The following ASTN2 variants were observed in gnomAD, a reference collection of about 807,000 sequenced individuals.
The protein encoded by ASTN2 is astrotactin 2.
In ASTN2, 54 loss-of-function variants were observed where a neutral mutation model predicts 139.8. That is an observed-to-expected ratio of 0.39 (90% CI 0.31 to 0.48). The LOEUF (loss-of-function observed/expected upper bound fraction) is 0.48, where lower values mean the gene tolerates loss of function less well. ASTN2 is among the 20% of genes least tolerant of loss of function. ASTN2 has a pLI of 0.95. For synonymous variants in ASTN2, 756 were observed against 719.5 expected (o/e 1.05, Z -0.81); for missense variants, 1,565 against 1,725.1 (o/e 0.91, Z 1.64).
At chr9:116,767,399 C>T (rs138411329) in intron 13 of ASTN2, among the ~76,000 whole-genome samples, 1 of 152,352 alleles carries the variant, frequency 6.6e-6, no homozygotes, top group Non-Finnish European at 1.5e-5. Context: ...CACCCAGAGA[C>T]AGGCTTGGCG....
chr9:116,588,600 T>C (rs1174159871), intron 19 of ASTN2, among the ~76,000 whole-genome samples: 2 of 152,228 alleles, frequency 1.3e-5, no homozygotes, highest in Non-Finnish European at 2.9e-5. Flanking sequence ...GTCATAATAA[T>C]AGTGTCTTCA....
At chr9:116,475,106 T>C (rs529315744) in intron 20 of ASTN2, among the ~76,000 whole-genome samples, 51 of 152,290 alleles carry the variant, frequency 3.3e-4, no homozygotes, top group African/African-American at 1.2e-3. Flanking sequence ...TGCTGGTTGT[T>C]ACCTACAAAA....
Position 116,632,197 on chromosome 9 carries a change from A to G in ASTN2, c.3073-11754T>C, listed in dbSNP as rs1176270845. Among the ~76,000 whole-genome samples, 91 of 28,632 alleles carry G rather than the reference A, an allele frequency of 3.2e-3. 1 individual carries two copies. Among genetic ancestry groups the G allele is most frequent in the South Asian group, 6.3e-3 (3 of 476 alleles). The allele number at this position is 28,632 out of a possible 152,430, so 18.8% of individuals were successfully genotyped here. On this transcript the variant is annotated intron_variant, in intron 17 of 22. Transcript: ENST00000313400. The stretch of plus-strand genomic sequence containing the variant: ...GAGAGAGAGAGAGGGAGAGAGAGAG[A>G]AAGAAAGAAAAGAAAGAAAGAAAGA...
At chr9:116,854,277 C>T (rs1832682341) in intron 11 of ASTN2, among the ~76,000 whole-genome samples, 1 of 152,198 alleles carries the variant, frequency 6.6e-6, no homozygotes, top group African/African-American at 2.4e-5. Context: ...ATAATAATAG[C>T]AACCATGTTT....
In ASTN2 at chr9:116,642,132, C is replaced by CCAAAAAAA. The variant is rs1554724602; in HGVS notation, c.3072+9395_3072+9396insTTTTTTTG. ...TGGGAAAATGAAGGCTCCCAACCCA[C>CCAAAAAAA]AAAAAAAAAAAAACAAAAAAAAACA... On this transcript the variant is annotated intron_variant, in intron 17 of 22. Coordinates refer to ENST00000313400, the MANE Select transcript of ASTN2 (RefSeq NM_001365068.1). Among the ~76,000 whole-genome samples the CCAAAAAAA allele has an allele frequency of 1.0e-3, 49 of 48,928 alleles. 2 individuals carry two copies. Among genetic ancestry groups the CCAAAAAAA allele is most frequent in the Admixed American group, 1.3e-3 (4 of 3,096 alleles). 32.1% of individuals were successfully genotyped at this position (48,928 alleles called of 152,430 possible). A position where few individuals can be genotyped will look rare whatever the true frequency, so the allele number is the denominator to read the frequency against.
intron 20 of ASTN2, among the ~76,000 whole-genome samples, chr9:116,483,464 G>A (rs1274600505): frequency 6.6e-6 from 1 of 152,094 alleles, no homozygotes; most frequent in East Asian, 1.9e-4. Flanking sequence ...GTTGGGGTTG[G>A]AGTGGGGTCA....
intron 16 of ASTN2, among the ~76,000 whole-genome samples, chr9:116,672,263 G>C (rs1277907962): frequency 6.6e-6 from 1 of 151,818 alleles, no homozygotes; most frequent in Non-Finnish European, 1.5e-5. Flanking sequence ...CTACTTGGGG[G>C]ACTGAGGTGG....
At chr9:117,111,111 G>A (rs1206074683) in intron 4 of ASTN2, among the ~76,000 whole-genome samples, 1 of 152,122 alleles carries the variant, frequency 6.6e-6, no homozygotes, top group Admixed American at 6.6e-5. Context: ...CAAAACATGA[G>A]CATTAAAGAA....
At chr9:117,186,342 C>T (rs919145514) in intron 3 of ASTN2, among the ~76,000 whole-genome samples, 5 of 151,344 alleles carry the variant, frequency 3.3e-5, no homozygotes, top group Admixed American at 6.6e-5. Context: ...GTCAGGAGAT[C>T]GAGACCACCC....
intron 1 of ASTN2, among the ~76,000 whole-genome samples, chr9:117,368,203 A>G (rs1829896321): frequency 6.6e-6 from 1 of 152,122 alleles, no homozygotes; most frequent in African/African-American, 2.4e-5. Flanking sequence ...AGCAACAAAA[A>G]TAGCTTCCAG....
chr9:117,016,596 ATATATATCTATATCTATATCTATCTATC>A (rs1395341208), intron 6 of ASTN2, among the ~76,000 whole-genome samples: 721 of 21,418 alleles, frequency 0.034, 60 homozygotes, highest in Middle Eastern at 0.083. Context: ...TAGGTTTTAT[ATATATATCTATATCTATATCTATCTATC>A]TATATATATA....
chr9:116,958,375 G>T (rs535344938), intron 10 of ASTN2, among the ~76,000 whole-genome samples: 17 of 152,096 alleles, frequency 1.1e-4, no homozygotes, highest in Non-Finnish European at 2.4e-4. Context: ...CAGATCACAA[G>T]GTCAGGAGAT....
At chr9:116,535,726 CT>C (rs2119318679) in intron 19 of ASTN2, among the ~76,000 whole-genome samples, 1 of 152,306 alleles carries the variant, frequency 6.6e-6, no homozygotes, top group Admixed American at 6.5e-5. Context: ...GAGAGATCAG[CT>C]GTTAATCTGA....
chr9:117,087,203 TTTTCA>T (rs1209399901), intron 5 of ASTN2, among the ~76,000 whole-genome samples: 6 of 148,394 alleles, frequency 4.0e-5, no homozygotes, highest in Admixed American at 1.4e-4. Flanking sequence ...TTCTTTTCCT[TTTTCA>T]TTTTTTTCTT....
chr9:116,508,166 C>CA (rs2119170311), intron 19 of ASTN2, among the ~76,000 whole-genome samples: 1 of 152,320 alleles, frequency 6.6e-6, no homozygotes, highest in South Asian at 2.1e-4. Flanking sequence ...GCTTGGATTA[C>CA]AGGCGTGAGC....
chr9:116,444,760 A>G (rs188287469), intron 20 of ASTN2, among the ~76,000 whole-genome samples: 14 of 152,300 alleles, frequency 9.2e-5, no homozygotes, highest in Non-Finnish European at 1.8e-4. Context: ...AACTTGGGCA[A>G]GTCGCTTCAC....
rs1020569337 is a variant in ASTN2, at chr9:116,687,275, A to G, written c.2807-35482T>C. On this transcript the variant is annotated intron_variant, in intron 16 of 22. Coordinates refer to ENST00000313400, the MANE Select transcript of ASTN2 (RefSeq NM_001365068.1). ...AGGCGGGGCTCAGTGACGGACAGGGAGCTCTGCGAATTGGCGCCCGGCAAG... is the reference window on the plus strand; with the variant it reads ...AGGCGGGGCTCAGTGACGGACAGGGGGCTCTGCGAATTGGCGCCCGGCAAG... The G allele has an allele frequency of 1.7e-5, 17 of 989,936 alleles. No homozygotes were observed. The Admixed American group carries it at 2.9e-4, about 17-fold the overall frequency. 61.3% of individuals were successfully genotyped at this position (989,936 alleles called of 1,614,324 possible).
intron 10 of ASTN2, among the ~76,000 whole-genome samples, chr9:116,932,882 T>C (rs1207470935): frequency 2.0e-5 from 3 of 151,798 alleles, no homozygotes; most frequent in African/African-American, 7.3e-5. Context: ...GGCACGCACC[T>C]ATAATCCCAG....
intron 2 of ASTN2, among the ~76,000 whole-genome samples, chr9:117,278,178 A>T (rs1439297526): frequency 6.6e-6 from 1 of 152,232 alleles, no homozygotes; most frequent in Non-Finnish European, 1.5e-5. Flanking sequence ...GAATTAATGG[A>T]AGAATTATTG....
Sources: allele counts gnomAD v4.1 joint callset (sites outside exome capture counted in the v4.1 genomes callset), GRCh38; gene constraint gnomAD v4.1.1; transcripts MANE v1.5; gene names NCBI Gene and HGNC (gene_info 2026-07-23, HGNC 2026-07-21).